SKAP2: variants seen among roughly 807,000 people sequenced by gnomAD.
SKAP2 encodes src kinase associated phosphoprotein 2, also known as src kinase-associated phosphoprotein 2.
SKAP2 carries 28 observed loss-of-function variants against 54.9 expected under a neutral mutation model. That is an observed-to-expected ratio of 0.51 (90% CI 0.38 to 0.70). The LOEUF is 0.70. Ranked by LOEUF, SKAP2 falls within the 30% of genes least tolerant of loss-of-function variation. The probability of loss-of-function intolerance (pLI) is 0.00; values close to 1 mark genes in which losing one functional copy is unlikely to be tolerated. For missense variants in SKAP2, 356 were observed against 424.1 expected (o/e 0.84, Z 1.41); for synonymous variants, 137 against 134.3 (o/e 1.02, Z -0.14).
chr7:26,821,531 T>A (rs1461566658), intron 4 of SKAP2, among the ~76,000 whole-genome samples: 1 of 152,214 alleles, frequency 6.6e-6, no homozygotes, highest in Non-Finnish European at 1.5e-5. Flanking sequence ...CTCTGGAAAG[T>A]CTTCTCTTTC....
downstream of SKAP2, among the ~76,000 whole-genome samples, chr7:26,662,310 C>T (rs79705133): frequency 1.9e-3 from 290 of 152,200 alleles, 1 homozygote; most frequent in African/African-American, 4.0e-3. Flanking sequence ...GAAACCCTTG[C>T]GTTTCCCTCC....
intron 4 of SKAP2, among the ~76,000 whole-genome samples, chr7:26,767,125 A>G (rs1302935175): frequency 6.6e-6 from 1 of 152,106 alleles, no homozygotes; most frequent in Admixed American, 6.6e-5. Flanking sequence ...GTAGGCTATT[A>G]ATTACTGCCT....
chr7:26,674,509 A>C (rs1274952422), intron 11 of SKAP2, among the ~76,000 whole-genome samples: 1 of 152,196 alleles, frequency 6.6e-6, no homozygotes, highest in African/African-American at 2.4e-5. Context: ...GGAACTGTAC[A>C]ACCTCGGCGT....
intron 9 of SKAP2, among the ~76,000 whole-genome samples, chr7:26,711,826 T>C (rs1787312896): frequency 6.6e-6 from 1 of 152,146 alleles, no homozygotes; most frequent in Non-Finnish European, 1.5e-5. Flanking sequence ...TCAGGCTGGT[T>C]AGAGAAAGAG....
chr7:26,718,505 T>A (rs190898808), intron 9 of SKAP2, among the ~76,000 whole-genome samples: 1 of 151,396 alleles, frequency 6.6e-6, no homozygotes, highest in African/African-American at 2.4e-5. Flanking sequence ...TTTTAATTTA[T>A]TTTATTTTAT....
chr7:26,827,122 T>C (rs1784507004), intron 4 of SKAP2, among the ~76,000 whole-genome samples: 1 of 152,144 alleles, frequency 6.6e-6, no homozygotes, highest in Non-Finnish European at 1.5e-5. Flanking sequence ...TTAAACTCCT[T>C]TAGTGTTAAA....
intron 1 of SKAP2, among the ~76,000 whole-genome samples, chr7:26,860,369 T>C (rs1295623118): frequency 6.6e-6 from 1 of 152,172 alleles, no homozygotes; most frequent in Non-Finnish European, 1.5e-5. Context: ...CTCTAGTCCC[T>C]TAATTTACAT....
At chr7:26,829,507 T>C (rs1022245201) in intron 4 of SKAP2, among the ~76,000 whole-genome samples, 1 of 152,092 alleles carries the variant, frequency 6.6e-6, no homozygotes, top group Non-Finnish European at 1.5e-5. Context: ...CATACCACAC[T>C]GCACTACAGC....
chr7:26,685,417 T>C (rs911810184), intron 10 of SKAP2, among the ~76,000 whole-genome samples: 3 of 152,284 alleles, frequency 2.0e-5, no homozygotes, highest in African/African-American at 7.2e-5. Context: ...AAAGAGTAAT[T>C]GCAGCAATTT....
rs77246925 is a variant in SKAP2, at chr7:26,704,956, T to C, written c.797-14594A>G. Reference sequence around the variant, plus strand: ...AACATCAACAAAATGTCTGCTCTTATGTAAAAGAGCCAGAATATTTTTAAT... The same window carrying C: ...AACATCAACAAAATGTCTGCTCTTACGTAAAAGAGCCAGAATATTTTTAAT... On this transcript the variant is annotated intron_variant, in intron 9 of 12. Transcript: ENST00000345317. 4.5e-4 allele frequency among the ~76,000 whole-genome samples: 68 copies of C among 152,302 alleles called. No individual in the cohort carries two copies. In the East Asian group the frequency reaches 9.1e-3, roughly 20 times the overall value.
intron 6 of SKAP2, among the ~76,000 whole-genome samples, chr7:26,735,525 T>C (rs1464270000): frequency 1.3e-5 from 2 of 152,190 alleles, no homozygotes; most frequent in Admixed American, 6.5e-5. Flanking sequence ...TAGGTCAATA[T>C]GTTTTTTGGC....
chr7:26,724,257 CAAT>C (rs1018723184), intron 9 of SKAP2, among the ~76,000 whole-genome samples: 3 of 152,166 alleles, frequency 2.0e-5, no homozygotes, highest in Admixed American at 1.3e-4. Flanking sequence ...TCACCAGATA[CAAT>C]AATAAAACAA....
At chr7:26,707,129 G>A (rs1787178569) in intron 9 of SKAP2, among the ~76,000 whole-genome samples, 1 of 152,146 alleles carries the variant, frequency 6.6e-6, no homozygotes, top group Admixed American at 6.5e-5. Flanking sequence ...AGAGGCCAAG[G>A]CAGGTGGATT....
intron 11 of SKAP2, among the ~76,000 whole-genome samples, chr7:26,675,376 A>C (rs1786328583): frequency 6.6e-6 from 1 of 152,168 alleles, no homozygotes; most frequent in Non-Finnish European, 1.5e-5. Flanking sequence ...GACCTGACTC[A>C]GCTGTCATGA....
chr7:26,776,829 G>A (rs1273729571), intron 4 of SKAP2, among the ~76,000 whole-genome samples: 1 of 152,142 alleles, frequency 6.6e-6, no homozygotes, highest in African/African-American at 2.4e-5. Context: ...CACTGTCTAT[G>A]TGATAGAGCC....
chr7:26,827,032 T>G (rs1301817554), intron 4 of SKAP2, among the ~76,000 whole-genome samples: 1 of 152,178 alleles, frequency 6.6e-6, no homozygotes, highest in African/African-American at 2.4e-5. Context: ...TAAGTCCTAT[T>G]CAGTGAAAGA....
At chr7:26,854,010 C>T (rs1265483557) in intron 3 of SKAP2, 127 bp downstream of exon 3, 4 of 635,864 alleles carry the variant, frequency 6.3e-6, no homozygotes, top group Non-Finnish European at 1.1e-5. Flanking sequence ...TCTTGAAGGT[C>T]TAAGTACACA....
intron 4 of SKAP2, among the ~76,000 whole-genome samples, chr7:26,748,071 T>G (rs1022149641): frequency 1.3e-5 from 2 of 152,196 alleles, no homozygotes; most frequent in Non-Finnish European, 2.9e-5. Context: ...TCTTTTACTT[T>G]AACATACATT....
chr7:26,789,223 G>A (rs1584390824), intron 4 of SKAP2, among the ~76,000 whole-genome samples: 2 of 152,052 alleles, frequency 1.3e-5, no homozygotes, highest in Non-Finnish European at 2.9e-5. Context: ...AAATTTCAAG[G>A]TAAAGATTTT....
Sources: gnomAD v4.1 joint callset for allele counts (sites outside exome capture counted in the v4.1 genomes callset) on GRCh38, gnomAD v4.1.1 for gene constraint, MANE v1.5 for transcripts, NCBI Gene and HGNC (gene_info 2026-07-23, HGNC 2026-07-21) for gene names.